MAP3K13: variants seen among roughly 807,000 people sequenced by gnomAD.
MAP3K13 encodes leucine zipper-bearing kinase.
Under a neutral mutation model 104.0 loss-of-function variants are expected in MAP3K13, and 52 were observed. The observed-to-expected ratio is 0.50, with a 90% CI of 0.40 to 0.63. The LOEUF (loss-of-function observed/expected upper bound fraction) is 0.63. MAP3K13 is among the 20% of genes least tolerant of loss of function. The pLI is 0.00. For synonymous variants in MAP3K13, 394 were observed against 442.2 expected (o/e 0.89, Z 1.37); for missense variants, 914 against 1,218.5 (o/e 0.75, Z 3.72).
intron 3 of MAP3K13, among the ~76,000 whole-genome samples, chr3:185,439,936 T>C (rs961092386): frequency 6.6e-5 from 10 of 152,146 alleles, no homozygotes; most frequent in Non-Finnish European, 1.3e-4. Flanking sequence ...AGTGTTATGT[T>C]TGCAGCCATC....
At chr3:185,375,027 G>A (rs1433998710) in intron 1 of MAP3K13, among the ~76,000 whole-genome samples, 10 of 152,192 alleles carry the variant, frequency 6.6e-5, no homozygotes, top group Non-Finnish European at 1.2e-4. Context: ...AGACTTAAGG[G>A]TGGCAGTTTG....
intron 2 of MAP3K13, among the ~76,000 whole-genome samples, chr3:185,348,612 C>T (rs182680370): frequency 4.6e-5 from 7 of 152,134 alleles, no homozygotes; most frequent in South Asian, 4.2e-4. Flanking sequence ...CCCTAGACCA[C>T]GAGGAGTGGC....
At chr3:185,393,521 T>G (rs1023533175) in intron 1 of MAP3K13, among the ~76,000 whole-genome samples, 1 of 151,314 alleles carries the variant, frequency 6.6e-6, no homozygotes, top group African/African-American at 2.4e-5. Flanking sequence ...TGCAGTGGCG[T>G]GATCTCAGCT....
chr3:185,338,303 C>G (rs1722587295), intron 2 of MAP3K13, among the ~76,000 whole-genome samples: 1 of 143,506 alleles, frequency 7.0e-6, no homozygotes, highest in Admixed American at 7.2e-5. Context: ...GCATTCCAGC[C>G]TGGGTGACAG....
chr3:185,454,943 AGATATATAT>A (rs1167594581), intron 7 of MAP3K13, among the ~76,000 whole-genome samples: 4 of 95,942 alleles, frequency 4.2e-5, no homozygotes, highest in East Asian at 2.6e-4. Context: ...TATATATATG[AGATATATAT>A]GATATATATA....
chr3:185,404,560 A>G (rs1712999438), intron 1 of MAP3K13, among the ~76,000 whole-genome samples: 1 of 152,126 alleles, frequency 6.6e-6, no homozygotes, highest in Non-Finnish European at 1.5e-5. Flanking sequence ...TTGCACAGGG[A>G]CCCACGCTTG....
intron 2 of MAP3K13, among the ~76,000 whole-genome samples, chr3:185,334,448 T>C (rs1722396954): frequency 6.6e-6 from 1 of 152,160 alleles, no homozygotes; most frequent in African/African-American, 2.4e-5. Flanking sequence ...AGTGTGATAT[T>C]GCCTTGAGGA....
At chr3:185,382,740 C>T (rs1724789581) in intron 1 of MAP3K13, among the ~76,000 whole-genome samples, 2 of 152,088 alleles carry the variant, frequency 1.3e-5, no homozygotes, top group Non-Finnish European at 2.9e-5. Flanking sequence ...CGCGGTGGCT[C>T]ATGCCTGTAA....
At position 185,381,059 on chromosome 3, in the gene MAP3K13, T is replaced by A. The variant is rs1450262915; in HGVS notation, c.-86+17691T>A. On this transcript the variant is annotated intron_variant, in intron 1 of 13. Transcript: ENST00000265026. ...CTCACTGCAACCTCCGCCTCCCAGATTCAACTGATTCTCCTGCCTCAGCCT... is the reference window on the plus strand; with the variant it reads ...CTCACTGCAACCTCCGCCTCCCAGAATCAACTGATTCTCCTGCCTCAGCCT... Among the ~76,000 whole-genome samples, 3 of 151,938 alleles carry A rather than the reference T, an allele frequency of 2.0e-5. No individual in the cohort carries two copies. The East Asian group carries it at 5.8e-4, about 29-fold the overall frequency.
intron 2 of MAP3K13, among the ~76,000 whole-genome samples, chr3:185,429,275 T>C (rs751019555): frequency 6.6e-6 from 1 of 152,222 alleles, no homozygotes; most frequent in Non-Finnish European, 1.5e-5. Context: ...GGTCATCCAG[T>C]CTAGCGGTGT....
intron 1 of MAP3K13, among the ~76,000 whole-genome samples, chr3:185,379,371 A>T (rs1369148840): frequency 6.6e-6 from 1 of 152,216 alleles, no homozygotes; most frequent in East Asian, 1.9e-4. Flanking sequence ...GAAGGGAGAG[A>T]TTGAAGGATG....
intron 2 of MAP3K13, among the ~76,000 whole-genome samples, chr3:185,288,495 A>G (rs1176206192): frequency 1.4e-5 from 2 of 140,294 alleles, no homozygotes; most frequent in African/African-American, 5.3e-5. Context: ...GTGTGTGTAT[A>G]TATATAGAGA....
At chr3:185,480,096 A>T in intron 12 of MAP3K13, 136 bp from the exon 13 acceptor site, 1 of 785,508 alleles carries the variant, frequency 1.3e-6, no homozygotes, top group Non-Finnish European at 2.1e-6. Flanking sequence ...AATAGTTTCT[A>T]CCTATCTTGA....
rs1226792620 is a variant in MAP3K13 at position 185,418,049 on chromosome 3, C to T, written c.-85-10448C>T. 10 of 1,611,766 alleles carry T rather than the reference C, an allele frequency of 6.2e-6. No homozygotes were observed. The African/African-American group carries it at 8.0e-5, about 13-fold the overall frequency. ...CAAATGCAGAAACGTCCCACATGCC[C>T]ACCAGGAGCAAGCTTCAAAATGTTC... On this transcript the variant is annotated intron_variant, in intron 1 of 13. Coordinates refer to ENST00000265026, the MANE Select transcript of MAP3K13 (RefSeq NM_004721.5). This position sits in a 1 kb window ranked among gnomAD's most constrained non-coding sequence, Gnocchi z 4.5.
intron 1 of MAP3K13, among the ~76,000 whole-genome samples, chr3:185,394,910 T>C (rs772335042): frequency 1.3e-5 from 2 of 152,180 alleles, no homozygotes; most frequent in Non-Finnish European, 2.9e-5. Context: ...AAAATGATGA[T>C]GATACTGACA....
intron 7 of MAP3K13, among the ~76,000 whole-genome samples, chr3:185,459,505 TGGTGTGATCTCAGC>T (rs1716969751): frequency 3.3e-5 from 5 of 152,154 alleles, no homozygotes; most frequent in Admixed American, 3.3e-4. Flanking sequence ...TGGAGTGCAG[TGGTGTGATCTCAGC>T]CCACTGCAAC....
chr3:185,358,226 C>A (rs2108738436), upstream of MAP3K13, among the ~76,000 whole-genome samples: 1 of 152,184 alleles, frequency 6.6e-6, no homozygotes, highest in South Asian at 2.1e-4. Flanking sequence ...CTGAGCTTCC[C>A]AGCAGCAGGG....
intron 2 of MAP3K13, among the ~76,000 whole-genome samples, chr3:185,347,261 A>C (rs1577448837): frequency 3.3e-5 from 5 of 152,258 alleles, no homozygotes; most frequent in African/African-American, 1.2e-4. Context: ...CTGGGATTAC[A>C]GGCATGAACC....
intron 2 of MAP3K13, among the ~76,000 whole-genome samples, chr3:185,436,492 A>C (rs889375965): frequency 5.9e-5 from 9 of 152,180 alleles, no homozygotes; most frequent in Non-Finnish European, 1.2e-4. Flanking sequence ...TATCAGTTAT[A>C]TGATTTTAGG....
Sources: gnomAD v4.1 joint callset for allele counts (sites outside exome capture counted in the v4.1 genomes callset) on GRCh38, gnomAD v4.1.1 for gene constraint, Gnocchi (gnomAD v3.1) non-coding constraint, MANE v1.5 for transcripts, NCBI Gene and HGNC (gene_info 2026-07-23, HGNC 2026-07-21) for gene names.